The following C12orf42 variants were observed in gnomAD, a reference collection of about 807,000 sequenced individuals.
C12orf42 encodes the protein uncharacterized protein C12orf42.
Under a neutral mutation model 21.6 loss-of-function variants are expected in C12orf42, and 25 were observed. The observed-to-expected ratio is 1.16, with a 90% CI of 0.84 to 1.62. C12orf42 has a LOEUF of 1.62. C12orf42 is among the 40% of genes most tolerant of loss of function. C12orf42 has a pLI of 0.00. For synonymous variants in C12orf42, 174 were observed against 175.0 expected, an observed-to-expected ratio of 0.99 and a Z score of 0.05; for missense variants, 483 against 459.3, an observed-to-expected ratio of 1.05 and a Z score of -0.47.
chr12:103,381,841 T>C (rs1294797134), intron 3 of C12orf42, among the ~76,000 whole-genome samples: 1 of 151,796 alleles, frequency 6.6e-6, no homozygotes, highest in African/African-American at 2.4e-5. Context: ...GGCATGAACC[T>C]GGGAGGCGGA....
chr12:103,482,866 T>G (rs1334026765), intron 1 of C12orf42, among the ~76,000 whole-genome samples: 1 of 152,164 alleles, frequency 6.6e-6, no homozygotes, highest in Admixed American at 6.5e-5. Context: ...TTCATTAAAC[T>G]CTTCTTCAGG....
chr12:103,138,413 G>T, the C12orf42 span, among the ~76,000 whole-genome samples: 4 of 152,038 alleles, frequency 2.6e-5, no homozygotes, highest in African/African-American at 4.8e-5. Flanking sequence ...TTGCTCGCTC[G>T]CTCTCTCCTG....
downstream of C12orf42, among the ~76,000 whole-genome samples, chr12:103,264,955 A>G (rs1343379138): frequency 2.0e-5 from 3 of 152,154 alleles, no homozygotes; most frequent in Non-Finnish European, 2.9e-5. Flanking sequence ...AAAGTGCTAT[A>G]TAGAGTGGGT....
At chr12:103,320,750 A>T (rs1173282292) in intron 4 of C12orf42, among the ~76,000 whole-genome samples, 1 of 152,200 alleles carries the variant, frequency 6.6e-6, no homozygotes, top group Admixed American at 6.5e-5. Context: ...AAAAAAATCA[A>T]GGAAAAGATT....
chr12:103,540,194 G>A, the C12orf42 span, among the ~76,000 whole-genome samples: 3 of 152,032 alleles, frequency 2.0e-5, no homozygotes, highest in Non-Finnish European at 2.9e-5. Context: ...TTTTAGTAGA[G>A]ACGGGGTTTC....
intron 4 of C12orf42, among the ~76,000 whole-genome samples, chr12:103,316,139 AGTACT>A (rs1203090461): frequency 6.6e-6 from 1 of 151,114 alleles, no homozygotes; most frequent in African/African-American, 2.4e-5. Flanking sequence ...AGTACTATAT[AGTACT>A]GTATATATAT....
the C12orf42 span, among the ~76,000 whole-genome samples, chr12:103,214,706 T>C: frequency 6.6e-6 from 1 of 152,180 alleles, no homozygotes; most frequent in African/African-American, 2.4e-5. Context: ...ATAACGGTCA[T>C]AGTTAAGGGA....
chr12:103,237,291 C>T (rs148793855), downstream of C12orf42, among the ~76,000 whole-genome samples: 1 of 151,924 alleles, frequency 6.6e-6, no homozygotes, highest in African/African-American at 2.4e-5. Flanking sequence ...TGGGGAGATG[C>T]TGGGATTGAG....
At chr12:103,322,018 TAAAAG>T (rs1244349473) in intron 4 of C12orf42, among the ~76,000 whole-genome samples, 1 of 151,726 alleles carries the variant, frequency 6.6e-6, no homozygotes, top group African/African-American at 2.4e-5. Flanking sequence ...AGTATAATAA[TAAAAG>T]AAAAAAAAAT....
At chr12:103,254,386 T>C (rs914523445) in intron 10 of C12orf42, among the ~76,000 whole-genome samples, 1 of 152,210 alleles carries the variant, frequency 6.6e-6, no homozygotes, top group Non-Finnish European at 1.5e-5. Context: ...TGCTCTTTTT[T>C]TGTTGCATCT....
chr12:103,151,143 G>T, the C12orf42 span, among the ~76,000 whole-genome samples: 1 of 152,066 alleles, frequency 6.6e-6, no homozygotes, highest in Non-Finnish European at 1.5e-5. Flanking sequence ...TGGTCAGGCT[G>T]GTCTCGAACT....
At chr12:103,494,019 GAA>G (rs1195273933) in intron 1 of C12orf42, among the ~76,000 whole-genome samples, 1 of 152,140 alleles carries the variant, frequency 6.6e-6, no homozygotes, top group Non-Finnish European at 1.5e-5. Context: ...AGAAGTATTT[GAA>G]AAAGTCATTA....
At chr12:103,452,418 T>C (rs977647475) in intron 2 of C12orf42, among the ~76,000 whole-genome samples, 8 of 152,004 alleles carry the variant, frequency 5.3e-5, no homozygotes, top group Admixed American at 4.6e-4. Context: ...ATTAAGGAAA[T>C]AGATTCCACC....
chr12:103,347,013 C>A (rs1316111586), intron 4 of C12orf42, among the ~76,000 whole-genome samples: 1 of 152,176 alleles, frequency 6.6e-6, no homozygotes, highest in Non-Finnish European at 1.5e-5. Flanking sequence ...ACAGAGCTGA[C>A]ATCACAGCAT....
chr12:103,517,950 A>C, the C12orf42 span, among the ~76,000 whole-genome samples: 1 of 152,016 alleles, frequency 6.6e-6, no homozygotes, highest in Non-Finnish European at 1.5e-5. Context: ...ATGGATTATA[A>C]CTCCATTTTT....
the C12orf42 span, chr12:103,168,090 A>T: frequency 2.2e-6 from 1 of 455,926 alleles, no homozygotes; most frequent in Non-Finnish European, 4.4e-6. Context: ...GGATACTTTT[A>T]TTCACCACAA....
intron 10 of C12orf42, among the ~76,000 whole-genome samples, chr12:103,255,678 A>G (rs978800042): frequency 2.0e-5 from 3 of 151,966 alleles, no homozygotes; most frequent in Non-Finnish European, 2.9e-5. Context: ...CCATATTTTG[A>G]TTTAAACTTG....
At chr12:103,403,091 A>G (rs892488512) in intron 2 of C12orf42, among the ~76,000 whole-genome samples, 2 of 152,124 alleles carry the variant, frequency 1.3e-5, no homozygotes, top group South Asian at 2.1e-4. Flanking sequence ...TAAAGAATGC[A>G]GGGGCCAGGC....
At chr12:103,385,769 TA>T (rs1331918014) in intron 3 of C12orf42, among the ~76,000 whole-genome samples, 1 of 152,204 alleles carries the variant, frequency 6.6e-6, no homozygotes, top group African/African-American at 2.4e-5. Context: ...ATTTTTTTCA[TA>T]CTTGTAAGGA....
Sources: gnomAD v4.1 joint callset for allele counts (sites outside exome capture counted in the v4.1 genomes callset) on GRCh38, gnomAD v4.1.1 for gene constraint, MANE v1.5 for transcripts, NCBI Gene and HGNC (gene_info 2026-07-23, HGNC 2026-07-21) for gene names.